SLC24A2: variants seen among roughly 807,000 people sequenced by gnomAD.
The protein encoded by SLC24A2 is sodium/potassium/calcium exchanger 2.
In SLC24A2, 36 loss-of-function variants were observed where a neutral mutation model predicts 62.0. The ratio of observed to expected loss-of-function variants is 0.58; its 90% CI spans 0.44 to 0.77. The LOEUF (loss-of-function observed/expected upper bound fraction) is 0.77. SLC24A2 is among the 30% of genes least tolerant of loss of function. The pLI, the probability that SLC24A2 is intolerant of heterozygous loss-of-function variation, is 0.00. For synonymous variants in SLC24A2, 358 were observed against 294.0 expected (o/e 1.22, Z -2.23); for missense variants, 846 against 817.9 (o/e 1.03, Z -0.42).
chr9:20,182,919 A>C, the SLC24A2 span, among the ~76,000 whole-genome samples: 2 of 152,230 alleles, frequency 1.3e-5, no homozygotes, highest in Non-Finnish European at 2.9e-5. Context: ...TACTTGTCTG[A>C]ATGTTCTAAG....
At chr9:20,138,045 C>T in the SLC24A2 span, among the ~76,000 whole-genome samples, 1 of 152,162 alleles carries the variant, frequency 6.6e-6, no homozygotes, top group Non-Finnish European at 1.5e-5. Context: ...GGAAGTTATA[C>T]ATGTGGTCAT....
At chr9:20,058,409 T>C in the SLC24A2 span, among the ~76,000 whole-genome samples, 2 of 151,912 alleles carry the variant, frequency 1.3e-5, no homozygotes, top group African/African-American at 2.4e-5. Context: ...CCCATAACTA[T>C]TACTATTGGG....
chr9:19,749,296 A>G (rs1201216418), intron 2 of SLC24A2, among the ~76,000 whole-genome samples: 2 of 152,136 alleles, frequency 1.3e-5, no homozygotes, highest in Non-Finnish European at 2.9e-5. Context: ...TTAGAATACT[A>G]TTAAACCAAC....
At chr9:20,142,337 C>A in the SLC24A2 span, among the ~76,000 whole-genome samples, 1 of 152,074 alleles carries the variant, frequency 6.6e-6, no homozygotes, top group African/African-American at 2.4e-5. Context: ...AAGCTACTAG[C>A]AAATAAAATT....
the SLC24A2 span, among the ~76,000 whole-genome samples, chr9:20,152,359 A>G: frequency 6.6e-6 from 1 of 151,902 alleles, no homozygotes; most frequent in African/African-American, 2.4e-5. Flanking sequence ...GCAGACTTTA[A>G]AACTCTCTGT....
intron 2 of SLC24A2, among the ~76,000 whole-genome samples, chr9:19,714,015 T>C (rs1000543246): frequency 2.0e-5 from 3 of 152,246 alleles, no homozygotes; most frequent in Admixed American, 6.5e-5. Flanking sequence ...TGAAGTTCCA[T>C]AATACCTCAG....
chr9:19,552,131 T>C (rs1834875436), intron 7 of SLC24A2, among the ~76,000 whole-genome samples: 1 of 152,222 alleles, frequency 6.6e-6, no homozygotes, highest in Non-Finnish European at 1.5e-5. Flanking sequence ...GCAATTCACA[T>C]ATTATTCCAT....
chr9:20,047,340 A>C, the SLC24A2 span, among the ~76,000 whole-genome samples: 1 of 152,028 alleles, frequency 6.6e-6, no homozygotes, highest in Non-Finnish European at 1.5e-5. Context: ...GGTCTACTGC[A>C]TAACATTCAA....
chr9:20,050,079 C>T, the SLC24A2 span, among the ~76,000 whole-genome samples: 1 of 151,816 alleles, frequency 6.6e-6, no homozygotes, highest in Non-Finnish European at 1.5e-5. Context: ...CTGTTATCAA[C>T]AAGCCAAGAA....
chr9:19,946,009 G>A, the SLC24A2 span, among the ~76,000 whole-genome samples: 58 of 152,302 alleles, frequency 3.8e-4, no homozygotes, highest in Non-Finnish European at 4.0e-4. Flanking sequence ...GTCCCAATCA[G>A]TTTCAAAAGT....
the SLC24A2 span, among the ~76,000 whole-genome samples, chr9:20,103,353 C>A: frequency 6.6e-6 from 1 of 152,202 alleles, no homozygotes; most frequent in Non-Finnish European, 1.5e-5. Context: ...CATGGTTCTC[C>A]CAGCATGCAG....
Position 19,542,078 on chromosome 9 carries a change from C to T in SLC24A2, c.1479+8059G>A, listed in dbSNP as rs866416631. 3.9e-3 allele frequency among the ~76,000 whole-genome samples: 597 copies of T among 152,278 alleles called. 7 individuals are homozygous for T. The highest frequency in any genetic ancestry group is 0.013 in the African/African-American group (543 of 41,576). On this transcript the variant is annotated intron_variant, in intron 8 of 10. Transcript: ENST00000341998. Reference sequence around the variant, plus strand: ...CCTGCTTCGGCTCGCGCACGGTGCACGCACACACTGGCCTGCGCCCACTGT... The same window carrying T: ...CCTGCTTCGGCTCGCGCACGGTGCATGCACACACTGGCCTGCGCCCACTGT...
chr9:19,634,361 T>C (rs1818258267), intron 2 of SLC24A2, among the ~76,000 whole-genome samples: 1 of 141,412 alleles, frequency 7.1e-6, no homozygotes, highest in Non-Finnish European at 1.5e-5. Flanking sequence ...CGATTTCAGC[T>C]CAATGCAAAC....
At chr9:19,709,045 A>C (rs954489741) in intron 2 of SLC24A2, among the ~76,000 whole-genome samples, 4 of 152,220 alleles carry the variant, frequency 2.6e-5, no homozygotes, top group African/African-American at 7.2e-5. Flanking sequence ...CAATGAACTC[A>C]AACAAATTTA....
At chr9:19,829,810 TACACACACAC>T in the SLC24A2 span, among the ~76,000 whole-genome samples, 335 of 34,142 alleles carry the variant, frequency 9.8e-3, 2 homozygotes, top group African/African-American at 0.016. Flanking sequence ...TATATATATA[TACACACACAC>T]ACACACACAC....
At chr9:19,830,067 G>A in the SLC24A2 span, among the ~76,000 whole-genome samples, 1 of 151,990 alleles carries the variant, frequency 6.6e-6, no homozygotes, top group African/African-American at 2.4e-5. Context: ...GGGTGATGAG[G>A]GAGCCAGTCC....
chr9:19,952,747 T>C, the SLC24A2 span, among the ~76,000 whole-genome samples: 1 of 151,354 alleles, frequency 6.6e-6, no homozygotes, highest in Admixed American at 6.6e-5. Context: ...ACAAGGGTAA[T>C]ACTGGCTTTA....
the SLC24A2 span, among the ~76,000 whole-genome samples, chr9:20,215,267 C>A: frequency 6.6e-6 from 1 of 152,124 alleles, no homozygotes; most frequent in East Asian, 1.9e-4. Flanking sequence ...GAATCACACG[C>A]CAAAGGTCTC....
At chr9:20,264,768 G>T in the SLC24A2 span, among the ~76,000 whole-genome samples, 3 of 152,128 alleles carry the variant, frequency 2.0e-5, no homozygotes, top group African/African-American at 7.2e-5. Context: ...TTGTTTTATA[G>T]AAAACAGAGG....
Sources: allele counts gnomAD v4.1 joint callset (sites outside exome capture counted in the v4.1 genomes callset), GRCh38; gene constraint gnomAD v4.1.1; transcripts MANE v1.5; gene names NCBI Gene and HGNC (gene_info 2026-07-23, HGNC 2026-07-21).